ZNF469: variants seen among roughly 807,000 people sequenced by gnomAD.
ZNF469 encodes the protein zinc finger protein 469.
In ZNF469, 1 loss-of-function variant was observed where a neutral mutation model predicts 1.0. The observed-to-expected ratio is 1.00, with a 90% CI of 0.35 to 4.73. The LOEUF (loss-of-function observed/expected upper bound fraction) is 4.73, where lower values mean the gene tolerates loss of function less well. Among genes scored for constraint, ZNF469 ranks in the 30% most tolerant of loss-of-function variants. The pLI, the probability that ZNF469 is intolerant of heterozygous loss-of-function variation, is 0.16. For synonymous variants in ZNF469, 2,703 were observed against 2,363.4 expected, an observed-to-expected ratio of 1.14 and a Z score of -4.17; for missense variants, 6,100 against 5,356.3, an observed-to-expected ratio of 1.14 and a Z score of -4.33.
At position 88,431,934 on chromosome 16, in the gene ZNF469, C is replaced by G. The variant is rs1906219667; in HGVS notation, c.4464C>G (p.Pro1488=). The change falls in exon 3 of 3, where the codon CCC becomes CCG. Residue 1488 remains proline, a synonymous_variant. Transcript: ENST00000565624. ...SGLPFACADP[P]QKTVPSDPPY... is the part of the protein sequence containing the mutation. The stretch of plus-strand genomic sequence containing the variant: ...TGCCGTTCGCATGTGCCGACCCTCC[C>G]CAGAAGACGGTGCCGTCAGATCCAC... 6.5e-7 allele frequency: 1 copy of G among 1,549,458 alleles called. No homozygotes were observed. Among genetic ancestry groups the G allele is most frequent in the African/African-American group, 1.4e-5 (1 of 73,032 alleles).
the ZNF469 span, among the ~76,000 whole-genome samples, chr16:88,291,067 C>T: frequency 8.5e-5 from 13 of 152,132 alleles, 1 homozygote; most frequent in South Asian, 8.3e-4. Flanking sequence ...TGTGTCCGTC[C>T]GGCACCTCTG....
At chr16:88,174,877 T>C in the ZNF469 span, among the ~76,000 whole-genome samples, 2 of 152,322 alleles carry the variant, frequency 1.3e-5, no homozygotes, top group East Asian at 3.9e-4. Flanking sequence ...TCAAAAGTTA[T>C]TTGCAGATTT....
the ZNF469 span, among the ~76,000 whole-genome samples, chr16:88,220,439 A>T: frequency 6.6e-6 from 1 of 152,170 alleles, no homozygotes; most frequent in African/African-American, 2.4e-5. Context: ...GCAGTGCCAG[A>T]GCTTTCTTGC....
chr16:88,209,077 G>A, the ZNF469 span, among the ~76,000 whole-genome samples: 1 of 152,054 alleles, frequency 6.6e-6, no homozygotes, highest in African/African-American at 2.4e-5. Context: ...GTTTCTATCT[G>A]CAATCCAATT....
chr16:88,296,609 C>T, the ZNF469 span, among the ~76,000 whole-genome samples: 1 of 152,146 alleles, frequency 6.6e-6, no homozygotes, highest in Non-Finnish European at 1.5e-5. Context: ...CACTCACAGA[C>T]ATGCTCACAC....
chr16:88,275,464 C>T, the ZNF469 span, among the ~76,000 whole-genome samples: 1 of 152,308 alleles, frequency 6.6e-6, no homozygotes, highest in Admixed American at 6.5e-5. Context: ...ATCCAGTGCT[C>T]CTGAGATCCC....
Position 88,435,757 on chromosome 16 carries a change from G to A in ZNF469, c.8287G>A (p.Ala2763Thr). The A allele has an allele frequency of 6.4e-7, 1 of 1,550,804 alleles. No individual in the cohort carries two copies. Residue 2763 changes from alanine to threonine, a missense_variant, in exon 3 of 3, where the codon GCG becomes ACG. Physicochemically the swap from Ala to Thr is moderately conservative, Grantham distance 58 (BLOSUM62 0). Coordinates refer to ENST00000565624, the MANE Select transcript of ZNF469 (RefSeq NM_001367624.2). The stretch of plus-strand genomic sequence containing the variant: ...GTTCTGGGGACCAAGAGAGACCAAG[G>A]CGTTGGGTGTGTGCAAAGAGTCTGG... Reference protein sequence around the residue: ...RGFWGPRETKALGVCKESGSE... With the variant: ...RGFWGPRETKTLGVCKESGSE...
At chr16:88,309,172 G>C in the ZNF469 span, among the ~76,000 whole-genome samples, 2 of 152,344 alleles carry the variant, frequency 1.3e-5, no homozygotes, top group Middle Eastern at 3.4e-3. Context: ...AGAGGCCTAA[G>C]GCTGATGCTC....
chr16:88,262,025 C>T, the ZNF469 span, among the ~76,000 whole-genome samples: 1 of 152,196 alleles, frequency 6.6e-6, no homozygotes, highest in African/African-American at 2.4e-5. The surrounding 1 kb of genome is among the most constrained non-coding windows in gnomAD (Gnocchi z 4.3). Context: ...CCCGGCTCAT[C>T]CCAAACCAAC....
chr16:88,396,333 C>A (rs1024547053), intron 1 of ZNF469, among the ~76,000 whole-genome samples: 2 of 152,264 alleles, frequency 1.3e-5, no homozygotes, highest in Non-Finnish European at 2.9e-5. Flanking sequence ...ACTCAAGAGA[C>A]CCTCCTGCAG....
the ZNF469 span, among the ~76,000 whole-genome samples, chr16:88,112,595 C>G: frequency 6.6e-6 from 1 of 152,118 alleles, no homozygotes; most frequent in Non-Finnish European, 1.5e-5. Context: ...TGAGAAACGT[C>G]TATTCAGATC....
At chr16:88,418,697 T>C (rs999689485) in intron 1 of ZNF469, among the ~76,000 whole-genome samples, 4 of 152,090 alleles carry the variant, frequency 2.6e-5, no homozygotes, top group Non-Finnish European at 5.9e-5. Context: ...CGGCCTCCAC[T>C]TTCCCCCAAA....
the ZNF469 span, among the ~76,000 whole-genome samples, chr16:88,352,658 G>A: frequency 6.6e-6 from 1 of 152,264 alleles, no homozygotes; most frequent in Non-Finnish European, 1.5e-5. Flanking sequence ...ACCTGCCGTG[G>A]GAATGAGCCC....
chr16:88,352,826 G>T, the ZNF469 span, among the ~76,000 whole-genome samples: 1 of 152,198 alleles, frequency 6.6e-6, no homozygotes, highest in Non-Finnish European at 1.5e-5. Context: ...AGCTCTGATG[G>T]CTGACCCCGT....
At chr16:88,316,168 G>A in the ZNF469 span, among the ~76,000 whole-genome samples, 44 of 152,336 alleles carry the variant, frequency 2.9e-4, no homozygotes, top group Middle Eastern at 3.4e-3. Flanking sequence ...CCTCCTCACC[G>A]GAATCTCCGG....
chr16:88,361,308 T>C, the ZNF469 span, among the ~76,000 whole-genome samples: 1 of 152,226 alleles, frequency 6.6e-6, no homozygotes, highest in African/African-American at 2.4e-5. Context: ...CATCTCCTGC[T>C]GTGTGGCCCA....
rs1488105353 is a variant in ZNF469 at position 88,435,114 on chromosome 16, C to T, written c.7644C>T (p.His2548=). The T allele has an allele frequency of 9.7e-6, 15 of 1,550,268 alleles. No individual in the cohort carries two copies. Among genetic ancestry groups the T allele is most frequent in the Middle Eastern group, 1.7e-4 (1 of 6,012 alleles). Residue 2548 remains histidine, a synonymous_variant, in exon 3 of 3, where the codon CAC becomes CAT. Coordinates refer to ENST00000565624, the MANE Select transcript of ZNF469 (RefSeq NM_001367624.2). ...RPNHSRGDPS[H]VTQPPPAQGS... ...ATCACTCACGGGGAGACCCCAGCCA[C>T]GTCACCCAGCCACCGCCTGCCCAGG... is the stretch of plus-strand genomic sequence containing the variant.
the ZNF469 span, among the ~76,000 whole-genome samples, chr16:88,306,718 G>C: frequency 6.6e-6 from 1 of 152,172 alleles, no homozygotes. Context: ...ACCAGCACCA[G>C]GGTCCTTGCT....
chr16:88,209,403 G>A, the ZNF469 span, among the ~76,000 whole-genome samples: 25 of 151,696 alleles, frequency 1.6e-4, no homozygotes, highest in African/African-American at 5.8e-4. Flanking sequence ...CCATTCTCCT[G>A]TCTCAGCCTC....
Sources: allele counts gnomAD v4.1 joint callset (sites outside exome capture counted in the v4.1 genomes callset), GRCh38; gene constraint gnomAD v4.1.1; non-coding constraint Gnocchi (gnomAD v3.1); transcripts MANE v1.5; gene names NCBI Gene and HGNC (gene_info 2026-07-23, HGNC 2026-07-21).